Variants in HIVEP2 observed in about 807,000 individuals in gnomAD.
HIVEP2 encodes HIVEP zinc finger 2.
A neutral mutation model predicts 180.7 loss-of-function variants in HIVEP2; 14 were observed. That is an observed-to-expected ratio of 0.08 (90% CI 0.05 to 0.12). HIVEP2 has a LOEUF of 0.12. Ranked by LOEUF, HIVEP2 falls within the 10% of genes least tolerant of loss-of-function variation. The pLI is 1.00. For synonymous variants in HIVEP2, 1,184 were observed against 1,136.4 expected (o/e 1.04, Z -0.84); for missense variants, 2,579 against 3,008.5 (o/e 0.86, Z 3.34).
Position 142,857,433 on chromosome 6 carries a change from A to G in HIVEP2, c.-640-20386T>C, listed in dbSNP as rs533789968. ...TCAGGACTTGTGCAAATTGTTTTCCAAGCACCATCCGGCCATAATGACCAG... is the reference window on the plus strand; with the variant it reads ...TCAGGACTTGTGCAAATTGTTTTCCGAGCACCATCCGGCCATAATGACCAG... On this transcript the variant is annotated intron_variant, in intron 1 of 9. Transcript: ENST00000367603. Among the ~76,000 whole-genome samples the G allele has an allele frequency of 1.4e-4, 21 of 152,314 alleles. 1 individual carries two copies. The highest frequency in any genetic ancestry group is 6.2e-4 in the South Asian group (3 of 4,822).
intron 1 of HIVEP2, among the ~76,000 whole-genome samples, chr6:142,923,812 C>T (rs964739226): frequency 2.0e-5 from 3 of 152,186 alleles, no homozygotes; most frequent in African/African-American, 4.8e-5. Flanking sequence ...GGTACAGCAA[C>T]GGCTTTTAAT....
chr6:142,799,232 A>G (rs1374622993), intron 2 of HIVEP2, among the ~76,000 whole-genome samples: 1 of 152,222 alleles, frequency 6.6e-6, no homozygotes, highest in Middle Eastern at 3.2e-3. Flanking sequence ...TAGAATATAA[A>G]TGCCAAAATT....
In HIVEP2 at chr6:142,761,497, T is replaced by C; in HGVS notation, c.5587A>G (p.Thr1863Ala). 1 of 1,606,432 alleles carries C rather than the reference T, an allele frequency of 6.2e-7. No individual in the cohort carries two copies. The change falls in exon 8 of 10, where the codon ACA (threonine) becomes GCA (alanine). Residue 1863 changes from threonine (T) to alanine (A), a missense_variant. Around this residue, in one of 11 missense-constraint regions of HIVEP2, gnomAD observed 660 missense variants for 731.7 expected, o/e 0.90. Coordinates refer to ENST00000367603, the MANE Select transcript of HIVEP2 (RefSeq NM_006734.4). ...KKCLELGVSM[T>A]SVDDTETEEA... The stretch of plus-strand genomic sequence containing the variant: ...TCAGTTTCTGTATCATCCACCGATG[T>C]CATTGAGACTCCCAATTCCAGGCAT...
chr6:142,918,949 CCCTA>C (rs1196772603), intron 1 of HIVEP2, among the ~76,000 whole-genome samples: 21 of 152,218 alleles, frequency 1.4e-4, no homozygotes, highest in South Asian at 4.1e-4. Context: ...ATACATAATT[CCCTA>C]CCTATTATTT....
chr6:142,912,645 C>G (rs36072087), intron 1 of HIVEP2, among the ~76,000 whole-genome samples: 1 of 152,190 alleles, frequency 6.6e-6, no homozygotes, highest in Non-Finnish European at 1.5e-5. Flanking sequence ...ATCAGAGCAG[C>G]GGTAGCATTA....
chr6:142,827,164 G>T (rs961158304), intron 2 of HIVEP2, among the ~76,000 whole-genome samples: 2 of 151,852 alleles, frequency 1.3e-5, no homozygotes, highest in Non-Finnish European at 2.9e-5. Flanking sequence ...AATAATATGG[G>T]TACCTCTGTG....
chr6:142,801,847 G>T (rs1357157378), intron 2 of HIVEP2, among the ~76,000 whole-genome samples: 1 of 152,114 alleles, frequency 6.6e-6, no homozygotes, highest in African/African-American at 2.4e-5. Flanking sequence ...TCTGTGTCAT[G>T]ACTTAAGTTC....
At chr6:142,777,930 G>A (rs754602618) in intron 3 of HIVEP2, among the ~76,000 whole-genome samples, 8 of 152,150 alleles carry the variant, frequency 5.3e-5, no homozygotes, top group Admixed American at 2.0e-4. Context: ...GAATTTGACT[G>A]TGATGATGAT....
chr6:142,878,102 G>T (rs574769936), intron 1 of HIVEP2, among the ~76,000 whole-genome samples: 1 of 152,186 alleles, frequency 6.6e-6, no homozygotes, highest in African/African-American at 2.4e-5. Context: ...AGGCAATCTT[G>T]ATATTCTCGG....
chr6:142,934,340 G>A (rs1429785974), intron 1 of HIVEP2, among the ~76,000 whole-genome samples: 1 of 152,156 alleles, frequency 6.6e-6, no homozygotes, highest in Non-Finnish European at 1.5e-5. Flanking sequence ...ACAGCCTCTT[G>A]GCCTGAATCC....
chr6:142,868,425 A>G (rs1776201140), intron 1 of HIVEP2, among the ~76,000 whole-genome samples: 1 of 152,224 alleles, frequency 6.6e-6, no homozygotes, highest in Non-Finnish European at 1.5e-5. Context: ...TGAAATGTCT[A>G]TATCCCTATA....
intron 4 of HIVEP2, among the ~76,000 whole-genome samples, chr6:142,775,574 C>T (rs1037641234): frequency 1.1e-4 from 17 of 152,054 alleles, no homozygotes; most frequent in Admixed American, 3.3e-4. Context: ...TGGTGGCTCA[C>T]GCCTGTAAAC....
chr6:142,855,686 T>C (rs1401154309), intron 1 of HIVEP2, among the ~76,000 whole-genome samples: 2 of 152,340 alleles, frequency 1.3e-5, no homozygotes, highest in Middle Eastern at 3.4e-3. Flanking sequence ...TCTGTTTTCC[T>C]GAGTCTCCCC....
At chr6:142,775,499 T>C (rs925507799) in intron 4 of HIVEP2, among the ~76,000 whole-genome samples, 2 of 152,122 alleles carry the variant, frequency 1.3e-5, no homozygotes, top group Non-Finnish European at 2.9e-5. Context: ...TATGCCAAAG[T>C]GTATTACATA....
chr6:142,916,443 T>C lies in HIVEP2; in HGVS notation c.-641+28656A>G, dbSNP rs200190077. Among the ~76,000 whole-genome samples the C allele has an allele frequency of 9.8e-5, 15 of 152,300 alleles. No homozygotes were observed. The East Asian group carries it at 2.3e-3, about 23-fold the overall frequency. On this transcript the variant is annotated intron_variant, in intron 1 of 9. Coordinates refer to ENST00000367603, the MANE Select transcript of HIVEP2 (RefSeq NM_006734.4). ...CTTGGTGCTCCAGCCACAGCAGTGT[T>C]CCTTTACGCCTTTGATTAGAACCAT...
chr6:142,877,453 T>C (rs1776472155), intron 1 of HIVEP2, among the ~76,000 whole-genome samples: 2 of 152,174 alleles, frequency 1.3e-5, no homozygotes, highest in Non-Finnish European at 2.9e-5. Flanking sequence ...AATAATGTAA[T>C]ATCACAGTTC....
intron 1 of HIVEP2, among the ~76,000 whole-genome samples, chr6:142,937,669 T>G (rs1039672674): frequency 3.2e-4 from 49 of 152,338 alleles, no homozygotes; most frequent in African/African-American, 1.2e-3. Context: ...AATTTTGATG[T>G]GTAAACAATT....
At chr6:142,839,995 C>T (rs1775322723) in intron 1 of HIVEP2, among the ~76,000 whole-genome samples, 1 of 152,086 alleles carries the variant, frequency 6.6e-6, no homozygotes, top group Non-Finnish European at 1.5e-5. Flanking sequence ...GTTTACTGAA[C>T]AGCAACTATG....
chr6:142,769,420 T>G (rs78034208), intron 5 of HIVEP2, 132 bp downstream of exon 5: 1 of 761,394 alleles, frequency 1.3e-6, no homozygotes, highest in South Asian at 1.9e-5. Context: ...AAGGCCAGAC[T>G]TTCTGAAAAC....
Sources: gnomAD v4.1 joint callset for allele counts (sites outside exome capture counted in the v4.1 genomes callset) on GRCh38, gnomAD v4.1.1 for gene constraint, gnomAD v4.1.1 regional missense constraint, MANE v1.5 for transcripts, NCBI Gene and HGNC (gene_info 2026-07-23, HGNC 2026-07-21) for gene names.